XKR6: variants seen among roughly 807,000 people sequenced by gnomAD.
The protein encoded by XKR6 is XK related 6.
A neutral mutation model predicts 56.7 loss-of-function variants in XKR6; 22 were observed. That is an observed-to-expected ratio of 0.39 (90% CI 0.28 to 0.55). The LOEUF (loss-of-function observed/expected upper bound fraction) is 0.55, where lower values mean the gene tolerates loss of function less well. Among genes scored for constraint, XKR6 ranks in the 20% least tolerant of loss-of-function variants. The pLI is 0.66. For synonymous variants in XKR6, 524 were observed against 387.8 expected (o/e 1.35, Z -4.13); for missense variants, 852 against 889.0 (o/e 0.96, Z 0.53).
chr8:11,172,062 G>GA (rs201729248), intron 1 of XKR6, among the ~76,000 whole-genome samples: 114 of 135,186 alleles, frequency 8.4e-4, no homozygotes, highest in Middle Eastern at 9.0e-3. Flanking sequence ...CAAAAAATAA[G>GA]AAAAAAAAAA....
intron 1 of XKR6, among the ~76,000 whole-genome samples, chr8:11,150,034 G>T (rs67849263): frequency 0.41 from 62,451 of 151,926 alleles, 14,259 homozygotes; most frequent in African/African-American, 0.58. Flanking sequence ...TCTCATGGAG[G>T]TAGAGAGTAG....
At chr8:10,947,105 G>A (rs1482268189) in intron 1 of XKR6, among the ~76,000 whole-genome samples, 3 of 152,134 alleles carry the variant, frequency 2.0e-5, no homozygotes, top group African/African-American at 7.2e-5. Context: ...CTAAGGAGAC[G>A]GGTTGGAGCG....
intron 1 of XKR6, among the ~76,000 whole-genome samples, chr8:11,151,804 T>G (rs1801283289): frequency 6.6e-6 from 1 of 152,150 alleles, no homozygotes; most frequent in Non-Finnish European, 1.5e-5. Context: ...AAATCAGCTT[T>G]TACGTGTTCC....
intron 1 of XKR6, among the ~76,000 whole-genome samples, chr8:11,036,088 T>C (rs764824042): frequency 1.4e-4 from 21 of 151,532 alleles, no homozygotes; most frequent in Non-Finnish European, 2.7e-4. Flanking sequence ...GGACCACAGA[T>C]ACCCACCACC....
At chr8:10,985,620 C>T (rs1797844842) in intron 1 of XKR6, among the ~76,000 whole-genome samples, 1 of 148,720 alleles carries the variant, frequency 6.7e-6, no homozygotes, top group Non-Finnish European at 1.5e-5. Context: ...AAAGCAAAAG[C>T]AAAAAAACAA....
intron 1 of XKR6, among the ~76,000 whole-genome samples, chr8:11,151,251 A>AT (rs535510215): frequency 6.8e-4 from 104 of 152,254 alleles, no homozygotes; most frequent in African/African-American, 2.5e-3. Flanking sequence ...AAATTATTTA[A>AT]TTTTTCCTTC....
chr8:10,917,764 G>C (rs971534972), intron 2 of XKR6, among the ~76,000 whole-genome samples: 2 of 152,188 alleles, frequency 1.3e-5, no homozygotes, highest in Non-Finnish European at 2.9e-5. Flanking sequence ...TGGAAATGTA[G>C]GGCACTGAGT....
chr8:11,104,514 C>T (rs1431935885), intron 1 of XKR6, among the ~76,000 whole-genome samples: 1 of 152,234 alleles, frequency 6.6e-6, no homozygotes, highest in South Asian at 2.1e-4. Flanking sequence ...CCACACAGCC[C>T]GAATCCCTCA....
At chr8:11,187,074 T>G (rs986121890) in intron 1 of XKR6, among the ~76,000 whole-genome samples, 1 of 152,242 alleles carries the variant, frequency 6.6e-6, no homozygotes, top group Non-Finnish European at 1.5e-5. Flanking sequence ...GCTCTTTTTT[T>G]GTTTACTGTA....
intron 1 of XKR6, among the ~76,000 whole-genome samples, chr8:11,189,852 C>G (rs1394018192): frequency 1.3e-5 from 2 of 152,202 alleles, no homozygotes. Context: ...GATGCACAGC[C>G]AAGGTTTGAA....
intron 1 of XKR6, among the ~76,000 whole-genome samples, chr8:11,075,860 G>A (rs1016497204): frequency 2.0e-5 from 3 of 152,090 alleles, no homozygotes; most frequent in Middle Eastern, 3.2e-3. Flanking sequence ...GCAACATAGC[G>A]AGACTCTGTC....
intron 1 of XKR6, among the ~76,000 whole-genome samples, chr8:11,097,300 C>G (rs752771274): frequency 1.3e-5 from 2 of 152,170 alleles, no homozygotes; most frequent in Non-Finnish European, 2.9e-5. Context: ...CTCACCACTT[C>G]TACATTCAGG....
intron 1 of XKR6, among the ~76,000 whole-genome samples, chr8:11,150,844 C>A (rs1246667124): frequency 2.2e-5 from 3 of 134,864 alleles, no homozygotes; most frequent in Admixed American, 2.2e-4. Context: ...CAGAGCAAGA[C>A]TCCATCTCAA....
intron 1 of XKR6, among the ~76,000 whole-genome samples, chr8:10,989,705 G>C (rs908507905): frequency 6.6e-6 from 1 of 152,188 alleles, no homozygotes; most frequent in African/African-American, 2.4e-5. Flanking sequence ...TACATGCAAA[G>C]CATTTAGTAT....
chr8:11,060,198 G>C (rs1799794773), intron 1 of XKR6, among the ~76,000 whole-genome samples: 1 of 152,162 alleles, frequency 6.6e-6, no homozygotes, highest in African/African-American at 2.4e-5. Context: ...GCTTAGGGGT[G>C]CTAGCAGGTA....
At chr8:11,186,398 CAGAG>C (rs1424730458) in intron 1 of XKR6, among the ~76,000 whole-genome samples, 1 of 152,074 alleles carries the variant, frequency 6.6e-6, no homozygotes, top group Non-Finnish European at 1.5e-5. Flanking sequence ...CTTTGAGAGA[CAGAG>C]AGAGAGTCTT....
At chr8:10,976,601 G>T (rs1489891198) in intron 1 of XKR6, among the ~76,000 whole-genome samples, 1 of 152,188 alleles carries the variant, frequency 6.6e-6, no homozygotes, top group East Asian at 1.9e-4. Flanking sequence ...GGTCACAGGA[G>T]GGTGAGAAAG....
chr8:10,956,422 G>T (rs769084884), intron 1 of XKR6, among the ~76,000 whole-genome samples: 1 of 152,166 alleles, frequency 6.6e-6, no homozygotes, highest in Non-Finnish European at 1.5e-5. Flanking sequence ...CCCATACAAA[G>T]CAGGCACTGC....
chr8:11,142,009 T>A (rs1301124909), intron 1 of XKR6, among the ~76,000 whole-genome samples: 1 of 149,668 alleles, frequency 6.7e-6, no homozygotes, highest in African/African-American at 2.5e-5. Context: ...TTTTTCTGTT[T>A]ATATACTACA....
Sources: allele counts gnomAD v4.1 joint callset (sites outside exome capture counted in the v4.1 genomes callset), GRCh38; gene constraint gnomAD v4.1.1; transcripts MANE v1.5; gene names NCBI Gene and HGNC (gene_info 2026-07-23, HGNC 2026-07-21).